Variants in CYP4X1 observed in about 807,000 individuals in gnomAD.
CYP4X1 encodes the protein cytochrome P450 4X1.
In CYP4X1, 44 loss-of-function variants were observed where a neutral mutation model predicts 57.9. That is an observed-to-expected ratio of 0.76 (90% confidence interval 0.60 to 0.98). The LOEUF (loss-of-function observed/expected upper bound fraction) is 0.98. Among genes scored for constraint, CYP4X1 ranks in the 50% least tolerant of loss-of-function variants. CYP4X1 has a pLI of 0.00. For missense variants in CYP4X1, 532 were observed against 623.9 expected, an observed-to-expected ratio of 0.85 and a Z score of 1.57; for synonymous variants, 227 against 228.6, an observed-to-expected ratio of 0.99 and a Z score of 0.06.
intron 1 of CYP4X1, among the ~76,000 whole-genome samples, chr1:47,026,273 TG>T (rs1644063249): frequency 6.6e-6 from 1 of 152,232 alleles, no homozygotes; most frequent in Non-Finnish European, 1.5e-5. Flanking sequence ...CTTGAGGGGA[TG>T]GGTACCCCAT....
At chr1:47,033,499 A>G in intron 4 of CYP4X1, 131 bp downstream of exon 4, 2 of 1,151,846 alleles carry the variant, frequency 1.7e-6, no homozygotes. Flanking sequence ...ACACGTACTT[A>G]TTGAACAATA....
At chr1:47,038,881 G>C in intron 7 of CYP4X1, 115 bp downstream of exon 7, 1 of 741,188 alleles carries the variant, frequency 1.3e-6, no homozygotes, top group East Asian at 2.9e-5. Context: ...AAATTTAACT[G>C]TACTTTGAAT....
At chr1:46,982,704 G>C in the CYP4X1 span, among the ~76,000 whole-genome samples, 1 of 152,214 alleles carries the variant, frequency 6.6e-6, no homozygotes. Flanking sequence ...CAGTAGGTAG[G>C]CTCTTGCTCA....
At chr1:47,040,691 GTA>G (rs1373941975) in intron 8 of CYP4X1, among the ~76,000 whole-genome samples, 1 of 151,476 alleles carries the variant, frequency 6.6e-6, no homozygotes, top group African/African-American at 2.4e-5. Flanking sequence ...ATGTATGTGT[GTA>G]TATATATATG....
downstream of CYP4X1, among the ~76,000 whole-genome samples, chr1:47,053,258 T>C (rs912373736): frequency 6.6e-6 from 1 of 152,218 alleles, no homozygotes; most frequent in African/African-American, 2.4e-5. Context: ...CATCCTTTTT[T>C]ATGGCTGCAT....
intron 7 of CYP4X1, 84 bp downstream of exon 7, chr1:47,038,850 C>A: frequency 1.9e-6 from 2 of 1,058,278 alleles, no homozygotes; most frequent in Non-Finnish European, 2.7e-6. Context: ...GATGGGGAGA[C>A]AAGAATAAAA....
rs78756003 is a variant in CYP4X1 at position 47,048,736 on chromosome 1, A to T, written c.1272+107A>T. On this transcript the variant is annotated intron_variant, in intron 10 of 11. Transcript: ENST00000371901. The stretch of plus-strand genomic sequence containing the variant: ...CTATATAATTAAGGGAAATGACACA[A>T]ATTAAACAAAAATAAACATAAAAGC... The T allele has an allele frequency of 3.6e-4, 390 of 1,083,154 alleles. 2 individuals are homozygous for T. In the East Asian group the frequency reaches 8.5e-3, roughly 24 times the overall value. The allele number at this position is 1,083,154 out of a possible 1,614,324, so 67.1% of individuals were successfully genotyped here. A position where few individuals can be genotyped will look rare whatever the true frequency, so the allele number is the denominator to read the frequency against.
At chr1:47,022,046 C>A (rs1465830023), upstream of CYP4X1, among the ~76,000 whole-genome samples, 1 of 152,066 alleles carries the variant, frequency 6.6e-6, no homozygotes, top group African/African-American at 2.4e-5. Flanking sequence ...AGGAATAGGG[C>A]ATAGAGGAAT....
At chr1:47,020,915 T>C (rs772585511), upstream of CYP4X1, among the ~76,000 whole-genome samples, 5 of 152,054 alleles carry the variant, frequency 3.3e-5, no homozygotes, top group Non-Finnish European at 7.4e-5. Context: ...GTGTGTAGGA[T>C]TGAAGCAGCT....
At chr1:46,987,850 A>C in the CYP4X1 span, among the ~76,000 whole-genome samples, 4,389 of 152,142 alleles carry the variant, frequency 0.029, 157 homozygotes, top group African/African-American at 0.084. Context: ...AACAAACACA[A>C]AACATACCAG....
At chr1:47,015,343 A>C in the CYP4X1 span, among the ~76,000 whole-genome samples, 1 of 152,178 alleles carries the variant, frequency 6.6e-6, no homozygotes, top group Non-Finnish European at 1.5e-5. Flanking sequence ...TGTAAATTCT[A>C]CTGGTTCCTA....
At chr1:47,025,334 T>C (rs1370379200) in intron 1 of CYP4X1, among the ~76,000 whole-genome samples, 3 of 152,200 alleles carry the variant, frequency 2.0e-5, no homozygotes, top group Non-Finnish European at 2.9e-5. Flanking sequence ...CAGATGCCAA[T>C]GCCATGCTTC....
At chr1:46,963,488 T>G in the CYP4X1 span, among the ~76,000 whole-genome samples, 1 of 151,974 alleles carries the variant, frequency 6.6e-6, no homozygotes, top group African/African-American at 2.4e-5. Flanking sequence ...GTCTGTAAAG[T>G]ATTTTATTTC....
chr1:47,038,815 T>C, intron 7 of CYP4X1, 49 bp downstream of exon 7: 1 of 1,493,656 alleles, frequency 6.7e-7, no homozygotes, highest in South Asian at 1.2e-5. Flanking sequence ...GTTAATTATG[T>C]AAGTAGGTGG....
the CYP4X1 span, among the ~76,000 whole-genome samples, chr1:46,981,959 AC>A: frequency 6.6e-6 from 1 of 152,190 alleles, no homozygotes; most frequent in African/African-American, 2.4e-5. Flanking sequence ...AGGGTGGGGA[AC>A]ATCACACACC....
the CYP4X1 span, among the ~76,000 whole-genome samples, chr1:47,018,436 C>G: frequency 6.6e-6 from 1 of 152,112 alleles, no homozygotes; most frequent in East Asian, 1.9e-4. Context: ...GCCACAATCT[C>G]CACTGTCAAT....
rs751647509 is a variant in CYP4X1, at chr1:47,023,859, T to G, written c.42T>G (p.Phe14Leu). ...TGGAGACGCGCTGGGCGCGGCCCTT[T>G]TACCTGGCGTTCGTGTTCTGCCTGG... ...SWLETRWARP[F>L]YLAFVFCLAL... The change falls in exon 1 of 12, where the codon TTT becomes TTG. Residue 14 changes from phenylalanine (F) to leucine (L), a missense_variant. By Grantham distance (22) the Phe-to-Leu change is conservative (BLOSUM62 0). Coordinates refer to ENST00000371901, the MANE Select transcript of CYP4X1 (RefSeq NM_178033.2). 5.0e-6 allele frequency: 8 copies of G among 1,613,524 alleles called. No homozygotes were observed. Among genetic ancestry groups the G allele is most frequent in the Non-Finnish European group, 6.8e-6 (8 of 1,179,962 alleles).
At chr1:47,011,927 G>A in the CYP4X1 span, among the ~76,000 whole-genome samples, 1 of 152,196 alleles carries the variant, frequency 6.6e-6, no homozygotes, top group Non-Finnish European at 1.5e-5. Flanking sequence ...TGGAGAGGAG[G>A]TGGAGAAATA....
the CYP4X1 span, chr1:46,967,747 A>G: frequency 9.5e-6 from 12 of 1,258,374 alleles, no homozygotes; most frequent in Middle Eastern, 2.2e-4. Context: ...TTTGAACTTC[A>G]GCAAAATTCA....
Sources: allele counts gnomAD v4.1 joint callset (sites outside exome capture counted in the v4.1 genomes callset), GRCh38; gene constraint gnomAD v4.1.1; transcripts MANE v1.5; gene names NCBI Gene and HGNC (gene_info 2026-07-23, HGNC 2026-07-21).